CCDC85A: variants seen among roughly 807,000 people sequenced by gnomAD.
CCDC85A encodes the protein coiled-coil domain-containing protein 85A.
Under a neutral mutation model 50.2 loss-of-function variants are expected in CCDC85A, and 38 were observed. That is an observed-to-expected ratio of 0.76 (90% confidence interval 0.58 to 0.99). CCDC85A has a LOEUF of 0.99. CCDC85A is among the 50% of genes least tolerant of loss of function. The probability of loss-of-function intolerance (pLI) is 0.00; values close to 1 mark genes in which losing one functional copy is unlikely to be tolerated. For synonymous variants in CCDC85A, 366 were observed against 301.4 expected (o/e 1.21, Z -2.22); for missense variants, 820 against 742.0 (o/e 1.11, Z -1.22).
intron 2 of CCDC85A, among the ~76,000 whole-genome samples, chr2:56,298,022 T>G (rs953190661): frequency 6.6e-6 from 1 of 152,186 alleles, no homozygotes; most frequent in Non-Finnish European, 1.5e-5. Context: ...CCACACAGAC[T>G]GCAGAAGAGA....
intron 5 of CCDC85A, among the ~76,000 whole-genome samples, chr2:56,377,992 T>C (rs1030348373): frequency 5.3e-5 from 8 of 152,190 alleles, no homozygotes; most frequent in African/African-American, 1.9e-4. Context: ...ACTGAGCAAG[T>C]GAAACATCTT....
chr2:56,222,807 A>G (rs540229666), intron 2 of CCDC85A, among the ~76,000 whole-genome samples: 6 of 152,156 alleles, frequency 3.9e-5, no homozygotes, highest in African/African-American at 1.4e-4. Context: ...TTTCAAAATA[A>G]TGACAGTAGG....
In CCDC85A at chr2:56,319,099, A is replaced by G. The variant is rs374658802; in HGVS notation, c.1241-23780A>G. 2.0e-5 allele frequency among the ~76,000 whole-genome samples: 3 copies of G among 152,258 alleles called. No homozygotes were observed. The East Asian group carries it at 5.8e-4, about 29-fold the overall frequency. On this transcript the variant is annotated intron_variant, in intron 2 of 5. Transcript: ENST00000407595. Reference sequence around the variant, plus strand: ...GAGGTGAGGCGTGGGTGGTGATATCAAAACTGTAGTTAGCACTAGAATGGA... The same window carrying G: ...GAGGTGAGGCGTGGGTGGTGATATCGAAACTGTAGTTAGCACTAGAATGGA...
chr2:56,189,298 T>G (rs1160541344), intron 1 of CCDC85A, among the ~76,000 whole-genome samples: 2 of 79,260 alleles, frequency 2.5e-5, no homozygotes, highest in East Asian at 3.6e-4. Flanking sequence ...ATTTTTGGTG[T>G]TTTTTTTTTT....
At chr2:56,318,884 A>G (rs935978750) in intron 2 of CCDC85A, among the ~76,000 whole-genome samples, 1 of 152,122 alleles carries the variant, frequency 6.6e-6, no homozygotes, top group African/African-American at 2.4e-5. Context: ...GGTGTTAAGT[A>G]TAGATGGCTG....
At chr2:56,310,117 G>A (rs1350473762) in intron 2 of CCDC85A, among the ~76,000 whole-genome samples, 1 of 152,090 alleles carries the variant, frequency 6.6e-6, no homozygotes, top group Middle Eastern at 3.2e-3. Flanking sequence ...CAGGAGTAGA[G>A]CCATTTTCTG....
At chr2:56,340,845 C>T (rs887013866) in intron 2 of CCDC85A, among the ~76,000 whole-genome samples, 20 of 137,800 alleles carry the variant, frequency 1.5e-4, no homozygotes, top group Non-Finnish European at 2.1e-4. Flanking sequence ...CACTGCACTC[C>T]AGCCTGGGCA....
intron 2 of CCDC85A, among the ~76,000 whole-genome samples, chr2:56,199,343 T>A (rs1056809743): frequency 2.0e-5 from 3 of 152,218 alleles, no homozygotes; most frequent in African/African-American, 7.2e-5. Flanking sequence ...TGTTAGTCGA[T>A]CTCCACTTTA....
At chr2:56,339,363 C>A (rs917869658) in intron 2 of CCDC85A, among the ~76,000 whole-genome samples, 29 of 152,156 alleles carry the variant, frequency 1.9e-4, no homozygotes, top group African/African-American at 5.5e-4. Context: ...ACATTAAAAA[C>A]GAGAGAGGAT....
intron 2 of CCDC85A, among the ~76,000 whole-genome samples, chr2:56,304,004 G>T (rs1672321538): frequency 1.3e-5 from 2 of 152,174 alleles, no homozygotes; most frequent in Non-Finnish European, 2.9e-5. Context: ...ACAAAATGAT[G>T]GAAGAGTGGA....
Position 56,372,491 on chromosome 2 carries a change from G to C in CCDC85A, c.1452+13G>C, listed in dbSNP as rs1387386039. 1.3e-6 allele frequency: 2 copies of C among 1,576,328 alleles called. No individual in the cohort carries two copies. The highest frequency in any genetic ancestry group is 4.6e-5 in the East Asian group (2 of 43,078). ...GCCTACTCTCCCGGTGAGTGAAGAT[G>C]AGTCAGCTGGATGCATTTGCTTGTG... is the stretch of plus-strand genomic sequence containing the variant. On this transcript the variant is annotated intron_variant, in intron 4 of 5. Transcript: ENST00000407595.
rs1314675457 is a variant in CCDC85A, at chr2:56,184,041, G to T, written c.-584G>T. 1.0e-6 allele frequency: 1 copy of T among 985,126 alleles called. No individual in the cohort carries two copies. The allele number at this position is 985,126 out of a possible 1,614,324, so 61.0% of individuals were successfully genotyped here. A position where few individuals can be genotyped will look rare whatever the true frequency, so the allele number is the denominator to read the frequency against. On this transcript the variant is annotated 5_prime_UTR_variant, in exon 1 of 6. Coordinates refer to ENST00000407595, the MANE Select transcript of CCDC85A (RefSeq NM_001080433.2). ...AGGCTTTCCGGAGCAGCCTAGGAGC[G>T]GCCGCGGGCGCAGCGAAGGCGGCAG...
intron 2 of CCDC85A, among the ~76,000 whole-genome samples, chr2:56,315,548 T>C (rs1672884007): frequency 6.6e-6 from 1 of 152,056 alleles, no homozygotes; most frequent in Non-Finnish European, 1.5e-5. Context: ...TGTAACTGAG[T>C]AGGTAAGACC....
chr2:56,365,197 G>A (rs778240319), intron 3 of CCDC85A, among the ~76,000 whole-genome samples: 2 of 152,104 alleles, frequency 1.3e-5, no homozygotes, highest in Admixed American at 6.5e-5. Flanking sequence ...TGCTTACTAC[G>A]TCCACTGTGA....
chr2:56,235,201 T>C (rs1273672480), intron 2 of CCDC85A: 1 of 152,126 alleles, frequency 6.6e-6, no homozygotes, highest in East Asian at 1.9e-4. Context: ...AAGTGGATAA[T>C]CTCATTAGTT....
Position 56,261,066 on chromosome 2 carries a change from C to A in CCDC85A, c.1240+67626C>A, listed in dbSNP as rs1458359119. 8.5e-5 allele frequency among the ~76,000 whole-genome samples: 13 copies of A among 152,216 alleles called. No individual in the cohort carries two copies. The East Asian group carries it at 2.5e-3, about 29-fold the overall frequency. ...CATAGTACTGAACAGGCATCAGGAC[C>A]CCTGGGTTTGCATCCTAGGTCACTT... On this transcript the variant is annotated intron_variant, in intron 2 of 5. Coordinates refer to ENST00000407595, the MANE Select transcript of CCDC85A (RefSeq NM_001080433.2).
At chr2:56,251,454 C>T (rs1003365874) in intron 2 of CCDC85A, among the ~76,000 whole-genome samples, 2 of 152,176 alleles carry the variant, frequency 1.3e-5, no homozygotes, top group East Asian at 1.9e-4. Flanking sequence ...TTAGTCTTGA[C>T]ACTTTCTTCT....
intron 2 of CCDC85A, among the ~76,000 whole-genome samples, chr2:56,211,315 T>C (rs956245327): frequency 2.0e-5 from 3 of 152,098 alleles, no homozygotes; most frequent in African/African-American, 7.2e-5. Flanking sequence ...ATTTTGGTCC[T>C]TTCTTGTATT....
Position 56,271,280 on chromosome 2 carries a change from A to T in CCDC85A, c.1241-71599A>T, listed in dbSNP as rs139518836. ...AATGAATTGCCAGCGAACAGAGCAC[A>T]GGGGCAGGGTTGGTATATAGCATGC... is the stretch of plus-strand genomic sequence containing the variant. On this transcript the variant is annotated intron_variant, in intron 2 of 5. Transcript: ENST00000407595. Among the ~76,000 whole-genome samples, 54 of 152,296 alleles carry T rather than the reference A, an allele frequency of 3.5e-4. No homozygotes were observed. In the East Asian group the frequency reaches 0.01, roughly 29 times the overall value.
Sources: allele counts gnomAD v4.1 joint callset (sites outside exome capture counted in the v4.1 genomes callset), GRCh38; gene constraint gnomAD v4.1.1; transcripts MANE v1.5; gene names NCBI Gene and HGNC (gene_info 2026-07-23, HGNC 2026-07-21).